The following FAF2 variants were observed in gnomAD, a reference collection of about 807,000 sequenced individuals.
FAF2 encodes Fas associated factor family member 2.
In FAF2, 9 loss-of-function variants were observed where a neutral mutation model predicts 62.3. The observed-to-expected ratio is 0.14, with a 90% CI of 0.09 to 0.25. The LOEUF is 0.25. Among genes scored for constraint, FAF2 ranks in the 10% least tolerant of loss-of-function variants. The probability of loss-of-function intolerance (pLI) is 1.00; values close to 1 mark genes in which losing one functional copy is unlikely to be tolerated. For synonymous variants in FAF2, 202 were observed against 198.0 expected, an observed-to-expected ratio of 1.02 and a Z score of -0.17; for missense variants, 368 against 556.2, an observed-to-expected ratio of 0.66 and a Z score of 3.40.
intron 1 of FAF2, among the ~76,000 whole-genome samples, chr5:176,456,585 TC>T (rs1457826161): frequency 6.6e-6 from 1 of 151,980 alleles, no homozygotes; most frequent in Non-Finnish European, 1.5e-5. Flanking sequence ...CCCCTTGGCC[TC>T]CCAAAGTGCT....
At chr5:176,460,667 C>G (rs1581469065) in intron 1 of FAF2, among the ~76,000 whole-genome samples, 2 of 151,856 alleles carry the variant, frequency 1.3e-5, no homozygotes, top group South Asian at 2.1e-4. Context: ...TGAGAAGTGT[C>G]TGAGGCGGGT....
intron 3 of FAF2, among the ~76,000 whole-genome samples, chr5:176,487,943 A>G (rs1157178382): frequency 6.6e-6 from 1 of 152,034 alleles, no homozygotes; most frequent in Non-Finnish European, 1.5e-5. Flanking sequence ...CCCAGGTTCA[A>G]GCGATTCTCC....
chr5:176,482,221 T>TC (rs1758792025), intron 2 of FAF2, among the ~76,000 whole-genome samples: 1 of 27,738 alleles, frequency 3.6e-5, no homozygotes, highest in South Asian at 1.2e-3. Flanking sequence ...GCTGTGAAAG[T>TC]TTTTTTTTTT....
intron 1 of FAF2, among the ~76,000 whole-genome samples, chr5:176,455,927 A>G (rs1335782911): frequency 6.6e-6 from 1 of 152,188 alleles, no homozygotes; most frequent in Non-Finnish European, 1.5e-5. Flanking sequence ...GTTAAAATGA[A>G]TATTTTTATT....
chr5:176,507,079 ATT>A lies in FAF2; in HGVS notation c.*136_*137del. 1 of 522,074 alleles carries A rather than the reference ATT, an allele frequency of 1.9e-6. No homozygotes were observed. The highest frequency in any genetic ancestry group is 2.7e-6 in the Non-Finnish European group (1 of 369,902). The allele number at this position is 522,074 out of a possible 1,614,324, so 32.3% of individuals were successfully genotyped here. ...ATTATTATTATTATTATAATACAATATTTTTTTTAAAAGACTGCTGCATCCTT... is the reference window on the plus strand; with the variant it reads ...ATTATTATTATTATTATAATACAATATTTTTTAAAAGACTGCTGCATCCTT... On this transcript the variant is annotated 3_prime_UTR_variant, in exon 11 of 11. Coordinates refer to ENST00000261942, the MANE Select transcript of FAF2 (RefSeq NM_014613.3).
intron 1 of FAF2, among the ~76,000 whole-genome samples, chr5:176,477,244 CTTT>C (rs61443027): frequency 1.9e-4 from 15 of 78,406 alleles, no homozygotes; most frequent in Non-Finnish European, 1.8e-4. Context: ...CGTGCCCGGC[CTTT>C]TTTTTTTTTT....
At chr5:176,496,760 C>T in intron 8 of FAF2, 97 bp downstream of exon 8, 1 of 935,506 alleles carries the variant, frequency 1.1e-6, no homozygotes, top group Non-Finnish European at 1.5e-6. Context: ...TTCTGTGCAT[C>T]AGGCCGCTAT....
intron 1 of FAF2, among the ~76,000 whole-genome samples, chr5:176,456,997 G>C (rs1758286668): frequency 6.6e-6 from 1 of 152,046 alleles, no homozygotes; most frequent in South Asian, 2.1e-4. Context: ...TATCAAGTTG[G>C]TTCAAAATGC....
intron 2 of FAF2, among the ~76,000 whole-genome samples, chr5:176,480,297 T>TC (rs955074726): frequency 6.6e-6 from 1 of 152,026 alleles, no homozygotes; most frequent in Non-Finnish European, 1.5e-5. Flanking sequence ...CCTTTTTTTT[T>TC]CCAGTTTTTT....
At chr5:176,476,715 C>T (rs1345689069) in intron 1 of FAF2, among the ~76,000 whole-genome samples, 1 of 148,032 alleles carries the variant, frequency 6.8e-6, no homozygotes, top group Non-Finnish European at 1.5e-5. Flanking sequence ...TCACCACAAC[C>T]TCTGCCTCCT....
chr5:176,496,430 G>C (rs2963670), intron 7 of FAF2, 56 bp from the exon 8 acceptor site: 11 of 1,406,898 alleles, frequency 7.8e-6, no homozygotes, highest in East Asian at 2.5e-5. Context: ...AAAGTCTAAG[G>C]GTTGATCTTT....
intron 1 of FAF2, among the ~76,000 whole-genome samples, chr5:176,469,228 G>C (rs547115256): frequency 6.6e-6 from 1 of 152,280 alleles, no homozygotes; most frequent in African/African-American, 2.4e-5. Context: ...CTGGGCGACA[G>C]AGCGAGACTC....
intron 1 of FAF2, among the ~76,000 whole-genome samples, chr5:176,460,886 A>G (rs1218792233): frequency 2.0e-5 from 3 of 152,014 alleles, no homozygotes; most frequent in African/African-American, 7.2e-5. Flanking sequence ...TGGGAGATGG[A>G]GGTTGCAATG....
chr5:176,496,342 G>T (rs1488964955), intron 7 of FAF2, 144 bp from the exon 8 acceptor site: 11 of 567,560 alleles, frequency 1.9e-5, no homozygotes, highest in Non-Finnish European at 2.8e-5. Flanking sequence ...ACTAGGAGGC[G>T]GGGAAAAAGC....
intron 1 of FAF2, 78 bp downstream of exon 1, chr5:176,448,548 C>G: frequency 1.4e-6 from 2 of 1,392,944 alleles, no homozygotes; most frequent in Non-Finnish European, 2.0e-6. Flanking sequence ...GAACCCTCCT[C>G]AGATTGGGTT....
intron 10 of FAF2, among the ~76,000 whole-genome samples, chr5:176,501,557 C>T (rs553767940): frequency 1.5e-3 from 232 of 152,304 alleles, no homozygotes; most frequent in African/African-American, 5.3e-3. Context: ...GAGCCAGATA[C>T]TCTAGGGATC....
chr5:176,477,244 CT>C (rs61443027), intron 1 of FAF2, among the ~76,000 whole-genome samples: 41,555 of 78,244 alleles, frequency 0.53, 11,722 homozygotes, highest in African/African-American at 0.58. Flanking sequence ...CGTGCCCGGC[CT>C]TTTTTTTTTT....
chr5:176,485,733 T>C (rs1581069123), intron 2 of FAF2, among the ~76,000 whole-genome samples: 1 of 152,180 alleles, frequency 6.6e-6, no homozygotes, highest in Non-Finnish European at 1.5e-5. Flanking sequence ...TTTTCTTCTT[T>C]ATTTTTTATT....
In FAF2 at chr5:176,509,854, T is replaced by A. The variant is rs1755748311; in HGVS notation, c.*2904T>A. ...CAAAATCAGGGGCATCATTATCCGGTGCTTGAACAAGGAGCTCCGCTCTAC... is the reference window on the plus strand; with the variant it reads ...CAAAATCAGGGGCATCATTATCCGGAGCTTGAACAAGGAGCTCCGCTCTAC... On this transcript the variant is annotated 3_prime_UTR_variant, in exon 11 of 11. Coordinates refer to ENST00000261942, the MANE Select transcript of FAF2 (RefSeq NM_014613.3). 6.6e-6 allele frequency: 1 copy of A among 152,640 alleles called. No homozygotes were observed. Among genetic ancestry groups the A allele is most frequent in the South Asian group, 2.1e-4 (1 of 4,832 alleles). 9.5% of individuals were successfully genotyped at this position (152,640 alleles called of 1,614,324 possible).
Sources: gnomAD v4.1 joint callset for allele counts (sites outside exome capture counted in the v4.1 genomes callset) on GRCh38, gnomAD v4.1.1 for gene constraint, MANE v1.5 for transcripts, NCBI Gene and HGNC (gene_info 2026-07-23, HGNC 2026-07-21) for gene names.